The following ADAMTS14 variants were observed in gnomAD, a reference collection of about 807,000 sequenced individuals.
ADAMTS14 encodes the protein ADAM metallopeptidase with thrombospondin type 1 motif 14.
A neutral mutation model predicts 128.6 loss-of-function variants in ADAMTS14; 100 were observed. The ratio of observed to expected loss-of-function variants is 0.78; its 90% confidence interval spans 0.66 to 0.92. The LOEUF (loss-of-function observed/expected upper bound fraction) is 0.92. Ranked by LOEUF, ADAMTS14 falls within the 40% of genes least tolerant of loss-of-function variation. The probability of loss-of-function intolerance (pLI) is 0.00; values close to 1 mark genes in which losing one functional copy is unlikely to be tolerated. For missense variants in ADAMTS14, 1,562 were observed against 1,658.6 expected (o/e 0.94, Z 1.01); for synonymous variants, 665 against 653.8 (o/e 1.02, Z -0.26).
chr10:70,674,250 C>T (rs1839571586), intron 1 of ADAMTS14, among the ~76,000 whole-genome samples: 1 of 152,182 alleles, frequency 6.6e-6, no homozygotes, highest in Non-Finnish European at 1.5e-5. Context: ...CTGGGCAGAG[C>T]CCAAGGTCGG....
At chr10:70,747,578 C>G (rs781181894) in intron 15 of ADAMTS14, among the ~76,000 whole-genome samples, 1 of 152,182 alleles carries the variant, frequency 6.6e-6, no homozygotes, top group East Asian at 1.9e-4. Flanking sequence ...ACATTAGCAG[C>G]CCCTTCCACC....
chr10:70,751,067 G>A (rs1161976216), intron 16 of ADAMTS14, among the ~76,000 whole-genome samples: 2 of 152,176 alleles, frequency 1.3e-5, no homozygotes, highest in East Asian at 1.9e-4. Flanking sequence ...CTGCAGAATG[G>A]GGGAAAATAC....
intron 19 of ADAMTS14, among the ~76,000 whole-genome samples, chr10:70,754,499 G>T (rs1325546466): frequency 6.6e-6 from 1 of 152,148 alleles, no homozygotes. Flanking sequence ...GAGGATGGAG[G>T]GCGGTCAGAG....
chr10:70,756,229 T>C (rs1178884236), intron 19 of ADAMTS14, among the ~76,000 whole-genome samples: 1 of 152,208 alleles, frequency 6.6e-6, no homozygotes, highest in Non-Finnish European at 1.5e-5. Flanking sequence ...TTAAGGCTGG[T>C]GGTGGCATCT....
intron 9 of ADAMTS14, among the ~76,000 whole-genome samples, chr10:70,736,274 G>C (rs929157153): frequency 1.1e-3 from 6 of 5,418 alleles, no homozygotes; most frequent in Non-Finnish European, 3.7e-3. Context: ...TGCTGGGGTG[G>C]GGGGGGTCTG....
intron 2 of ADAMTS14, among the ~76,000 whole-genome samples, chr10:70,681,547 A>G (rs527716917): frequency 5.3e-5 from 8 of 152,272 alleles, no homozygotes; most frequent in African/African-American, 1.9e-4. Context: ...TGAGAAAGAC[A>G]CTCATCCTTC....
At chr10:70,757,877 G>A in intron 19 of ADAMTS14, 85 bp from the exon 20 acceptor site, 1 of 1,505,048 alleles carries the variant, frequency 6.6e-7, no homozygotes, top group South Asian at 1.3e-5. Flanking sequence ...GCACTGGCTG[G>A]GCTCTGAGCT....
chr10:70,736,855 T>A, intron 10 of ADAMTS14, 62 bp downstream of exon 10: 1 of 1,460,868 alleles, frequency 6.8e-7, no homozygotes, highest in Non-Finnish European at 9.5e-7. Context: ...ATCACTGGCA[T>A]GGGGGTGGAT....
chr10:70,745,444 T>C (rs908474217), intron 15 of ADAMTS14, 138 bp downstream of exon 15: 4 of 904,614 alleles, frequency 4.4e-6, no homozygotes, highest in Non-Finnish European at 7.0e-6. Flanking sequence ...AGACCCCCTT[T>C]TCATTTTATT....
At chr10:70,690,152 C>A (rs1840144610) in intron 2 of ADAMTS14, among the ~76,000 whole-genome samples, 2 of 143,640 alleles carry the variant, frequency 1.4e-5, no homozygotes, top group South Asian at 4.6e-4. Context: ...TTAGGAGAAG[C>A]AAGTTACAGA....
At chr10:70,697,777 A>AACTT (rs572864253) in intron 2 of ADAMTS14, among the ~76,000 whole-genome samples, 6 of 151,670 alleles carry the variant, frequency 4.0e-5, no homozygotes, top group Admixed American at 3.3e-4. Flanking sequence ...TTACACCCTG[A>AACTT]GGGGCTTTCC....
intron 7 of ADAMTS14, 43 bp from the exon 8 acceptor site, chr10:70,733,842 G>A: frequency 6.4e-7 from 1 of 1,573,656 alleles, no homozygotes; most frequent in Admixed American, 1.8e-5. Flanking sequence ...CCCGGGGCAG[G>A]CTCCTGGGAT....
chr10:70,731,843 G>A (rs1374835998), intron 6 of ADAMTS14, among the ~76,000 whole-genome samples: 1 of 152,188 alleles, frequency 6.6e-6, no homozygotes, highest in Non-Finnish European at 1.5e-5. Flanking sequence ...TGCAGGGTCG[G>A]GGTAGGCTCG....
chr10:70,699,897 C>T (rs918770453), intron 2 of ADAMTS14, among the ~76,000 whole-genome samples: 1 of 152,036 alleles, frequency 6.6e-6, no homozygotes, highest in African/African-American at 2.4e-5. Context: ...ACGGTGCAGG[C>T]CACTGCCCTG....
chr10:70,744,037 C>T, intron 13 of ADAMTS14, 29 bp from the exon 14 acceptor site: 1 of 1,552,502 alleles, frequency 6.4e-7, no homozygotes, highest in East Asian at 2.4e-5. Context: ...AGGGGAGCCT[C>T]CTCCCACTGA....
intron 2 of ADAMTS14, among the ~76,000 whole-genome samples, chr10:70,695,429 G>C (rs2132576683): frequency 6.6e-6 from 1 of 152,246 alleles, no homozygotes; most frequent in Admixed American, 6.5e-5. Flanking sequence ...AGGGTGTGGG[G>C]GTGTGAGGGG....
At chr10:70,734,184 C>A (rs949234685) in intron 8 of ADAMTS14, among the ~76,000 whole-genome samples, 156 bp downstream of exon 8, 2 of 152,172 alleles carry the variant, frequency 1.3e-5, no homozygotes, top group African/African-American at 4.8e-5. Flanking sequence ...TAAAACATAC[C>A]CCATTAGCAT....
chr10:70,721,994 C>A (rs1188158014), intron 4 of ADAMTS14, among the ~76,000 whole-genome samples: 1 of 152,174 alleles, frequency 6.6e-6, no homozygotes, highest in African/African-American at 2.4e-5. Context: ...TCAGACAACA[C>A]CCAGGATTCA....
intron 2 of ADAMTS14, 146 bp downstream of exon 2, chr10:70,675,141 G>A (rs1013819811): frequency 2.0e-5 from 20 of 979,534 alleles, no homozygotes; most frequent in African/African-American, 4.9e-5. Context: ...CTGCCCCCGC[G>A]GGCCACTAGG....
Sources: allele counts gnomAD v4.1 joint callset (sites outside exome capture counted in the v4.1 genomes callset), GRCh38; gene constraint gnomAD v4.1.1; transcripts MANE v1.5; gene names NCBI Gene and HGNC (gene_info 2026-07-23, HGNC 2026-07-21).